Variants in CR1L observed in about 807,000 individuals in gnomAD.
The protein encoded by CR1L is complement C3b/C4b receptor 1 like.
A neutral mutation model predicts 62.3 loss-of-function variants in CR1L; 59 were observed. The observed-to-expected ratio is 0.95, with a 90% CI of 0.77 to 1.18. CR1L has a LOEUF of 1.18. Among genes scored for constraint, CR1L ranks in the 50% most tolerant of loss-of-function variants. CR1L has a pLI of 0.00. For missense variants in CR1L, 700 were observed against 702.8 expected (o/e 1.00, Z 0.04); for synonymous variants, 279 against 248.7 (o/e 1.12, Z -1.15).
intron 1 of CR1L, among the ~76,000 whole-genome samples, chr1:207,660,330 G>A (rs185548213): frequency 1.2e-4 from 18 of 152,356 alleles, no homozygotes; most frequent in Admixed American, 1.0e-3. Flanking sequence ...TCCAGAGGAA[G>A]GATCAGGCAG....
chr1:207,713,318 G>A (rs1022079719), intron 10 of CR1L, among the ~76,000 whole-genome samples: 2 of 152,220 alleles, frequency 1.3e-5, no homozygotes, highest in African/African-American at 4.8e-5. Context: ...GTTGTTTTAG[G>A]AAACTTAAAA....
At chr1:207,664,731 T>G (rs563281251) in intron 1 of CR1L, among the ~76,000 whole-genome samples, 2 of 152,256 alleles carry the variant, frequency 1.3e-5, no homozygotes, top group East Asian at 3.9e-4. Flanking sequence ...GAGAAAAAGT[T>G]TATAAAAAAG....
intron 10 of CR1L, among the ~76,000 whole-genome samples, chr1:207,712,805 C>T (rs1359147): frequency 0.61 from 92,696 of 152,012 alleles, 28,990 homozygotes; most frequent in East Asian, 0.87. Context: ...CCCTCATGGC[C>T]GTGTGCTGTT....
At chr1:207,711,869 A>C (rs1664363809) in intron 10 of CR1L, among the ~76,000 whole-genome samples, 2 of 151,890 alleles carry the variant, frequency 1.3e-5, no homozygotes, top group African/African-American at 4.8e-5. Flanking sequence ...ACTGTGCTCC[A>C]GCCTGGATGA....
chr1:207,657,454 G>A, intron 1 of CR1L: 1 of 526,140 alleles, frequency 1.9e-6, no homozygotes, highest in Non-Finnish European at 3.4e-6. Context: ...TTTTAATACA[G>A]GTCAATTCAA....
At chr1:207,658,058 G>T (rs1663345688) in intron 1 of CR1L, among the ~76,000 whole-genome samples, 1 of 152,118 alleles carries the variant, frequency 6.6e-6, no homozygotes. Flanking sequence ...AGTCAGCCGG[G>T]AAATTAGAAA....
At position 207,695,878 on chromosome 1, in the gene CR1L, G is replaced by A. The variant is rs1367447021; in HGVS notation, c.862+1127G>A. Reference sequence around the variant, plus strand: ...AACTATATCACAATACAGCACTAGGGTGATGGTGATAAACCATTAGAAACC... The same window carrying A: ...AACTATATCACAATACAGCACTAGGATGATGGTGATAAACCATTAGAAACC... On this transcript the variant is annotated intron_variant, in intron 5 of 11. Coordinates refer to ENST00000508064, the MANE Select transcript of CR1L (RefSeq NM_175710.2). Among the ~76,000 whole-genome samples, 5 of 152,144 alleles carry A rather than the reference G, an allele frequency of 3.3e-5. No individual in the cohort carries two copies. The East Asian group carries it at 7.7e-4, about 23-fold the overall frequency.
intron 10 of CR1L, among the ~76,000 whole-genome samples, chr1:207,708,642 C>T (rs1273064340): frequency 1.3e-5 from 2 of 152,316 alleles, no homozygotes; most frequent in Non-Finnish European, 2.9e-5. Context: ...GATATTCAAG[C>T]CATGCAGCTC....
rs1664192852 is a variant in CR1L at position 207,701,571 on chromosome 1, C to T, written c.1281C>T (p.Ile427=). The change falls in exon 9 of 12, where the codon ATC becomes ATT. Residue 427 remains isoleucine (I), a synonymous_variant. Transcript: ENST00000508064. ...PVPVNGMVHV[I]TDIHVGSRIN... ...CAGTGAATGGCATGGTGCATGTGAT[C>T]ACAGACATCCATGTTGGATCCAGAA... is the stretch of plus-strand genomic sequence containing the variant. 1 of 1,613,808 alleles carries T rather than the reference C, an allele frequency of 6.2e-7. No individual in the cohort carries two copies. The highest frequency in any genetic ancestry group is 8.5e-7 in the Non-Finnish European group (1 of 1,179,762).
intron 8 of CR1L, among the ~76,000 whole-genome samples, chr1:207,699,675 GCAGT>G (rs896009737): frequency 3.3e-5 from 5 of 151,000 alleles, no homozygotes; most frequent in Admixed American, 6.6e-5. Context: ...CAATCAATGT[GCAGT>G]CAGTCTACAA....
At chr1:207,665,999 T>C (rs1372390759) in intron 1 of CR1L, among the ~76,000 whole-genome samples, 1 of 152,200 alleles carries the variant, frequency 6.6e-6, no homozygotes, top group Non-Finnish European at 1.5e-5. Flanking sequence ...GAGTAGAGAA[T>C]AGTTTTCTAC....
rs1257203289 is a variant in CR1L at position 207,697,532 on chromosome 1, G to A, written c.892G>A (p.Ala298Thr). The A allele has an allele frequency of 7.4e-6, 12 of 1,613,734 alleles. No individual in the cohort carries two copies. The highest frequency in any genetic ancestry group is 1.0e-5 in the Non-Finnish European group (12 of 1,179,716). The change falls in exon 6 of 12, where the codon GCT becomes ACT. Residue 298 changes from alanine (A) to threonine (T), a missense_variant. By Grantham distance (58) the Ala-to-Thr change is moderately conservative (BLOSUM62 0). Transcript: ENST00000508064. ...TCAGCCACCTCCAGATGTCCTGCAT[G>A]CTGAGCGTACCCAAAGGGACAAGGA... The part of the protein sequence containing the change: ...VCQPPPDVLH[A>T]ERTQRDKDNF...
intron 1 of CR1L, among the ~76,000 whole-genome samples, chr1:207,659,697 G>T (rs1044024503): frequency 1.3e-5 from 2 of 152,168 alleles, no homozygotes; most frequent in African/African-American, 2.4e-5. Flanking sequence ...AAGCAGAGCG[G>T]GATGTCACCT....
intron 11 of CR1L, among the ~76,000 whole-genome samples, chr1:207,721,826 T>A (rs1274033811): frequency 1.4e-5 from 2 of 146,488 alleles, no homozygotes; most frequent in African/African-American, 5.1e-5. Context: ...AAAGTGTTCC[T>A]ATTTCTCCAC....
At chr1:207,688,745 T>A (rs1663951357) in intron 4 of CR1L, among the ~76,000 whole-genome samples, 1 of 152,202 alleles carries the variant, frequency 6.6e-6, no homozygotes, top group Admixed American at 6.5e-5. Context: ...CTTCTTTAAT[T>A]TCTTTTAAAA....
At chr1:207,681,858 G>A (rs984050103) in intron 3 of CR1L, among the ~76,000 whole-genome samples, 1 of 152,182 alleles carries the variant, frequency 6.6e-6, no homozygotes, top group African/African-American at 2.4e-5. Context: ...GTGTGCATGT[G>A]TGTTGGCAGT....
chr1:207,718,388 G>T (rs1246208555), intron 11 of CR1L, among the ~76,000 whole-genome samples: 1 of 152,154 alleles, frequency 6.6e-6, no homozygotes, highest in East Asian at 1.9e-4. Flanking sequence ...CTCCAGTAAG[G>T]ACAGAAGAGC....
chr1:207,673,567 G>A (rs1161884469), intron 1 of CR1L, among the ~76,000 whole-genome samples: 1 of 152,174 alleles, frequency 6.6e-6, no homozygotes, highest in East Asian at 1.9e-4. Context: ...TCTGAACCAG[G>A]AGTGCATGAA....
intron 9 of CR1L, chr1:207,701,835 T>A: frequency 2.7e-6 from 2 of 739,768 alleles, no homozygotes; most frequent in South Asian, 1.5e-5. Flanking sequence ...ATAAAGAGTA[T>A]GCCGTTCACT....
Sources: gnomAD v4.1 joint callset for allele counts (sites outside exome capture counted in the v4.1 genomes callset) on GRCh38, gnomAD v4.1.1 for gene constraint, MANE v1.5 for transcripts, NCBI Gene and HGNC (gene_info 2026-07-23, HGNC 2026-07-21) for gene names.